MRTFA: variants seen among roughly 807,000 people sequenced by gnomAD.
The protein encoded by MRTFA is myocardin-related transcription factor A.
A neutral mutation model predicts 83.5 loss-of-function variants in MRTFA; 20 were observed. The observed-to-expected ratio is 0.24, with a 90% CI of 0.17 to 0.35. MRTFA has a LOEUF of 0.35. Ranked by LOEUF, MRTFA falls within the 10% of genes least tolerant of loss-of-function variation. The pLI is 1.00. For missense variants in MRTFA, 1,200 were observed against 1,224.7 expected, an observed-to-expected ratio of 0.98 and a Z score of 0.30; for synonymous variants, 659 against 541.2, an observed-to-expected ratio of 1.22 and a Z score of -3.02.
At chr22:40,443,993 C>T (rs900459768) in intron 4 of MRTFA, among the ~76,000 whole-genome samples, 1 of 152,142 alleles carries the variant, frequency 6.6e-6, no homozygotes, top group Non-Finnish European at 1.5e-5. Context: ...ACTCTCGCCC[C>T]GAATGAGAAG....
At chr22:40,612,467 C>G (rs1367959831) in intron 1 of MRTFA, among the ~76,000 whole-genome samples, 2 of 151,864 alleles carry the variant, frequency 1.3e-5, no homozygotes, top group Non-Finnish European at 2.9e-5. Flanking sequence ...AACTGGCTAC[C>G]TCAATCAAAT....
intron 3 of MRTFA, among the ~76,000 whole-genome samples, chr22:40,535,541 T>C (rs57991251): frequency 6.6e-6 from 1 of 151,880 alleles, no homozygotes; most frequent in African/African-American, 2.4e-5. Context: ...TTAGTAAAGA[T>C]GGGGTTTCAC....
intron 3 of MRTFA, among the ~76,000 whole-genome samples, chr22:40,475,061 A>ACT (rs2053970591): frequency 6.6e-6 from 1 of 150,734 alleles, no homozygotes; most frequent in South Asian, 2.1e-4. Flanking sequence ...CTGGTCTAGA[A>ACT]CTCCTGATTT....
At position 40,470,587 on chromosome 22, in the gene MRTFA, G is replaced by T. The variant is rs1014770555; in HGVS notation, c.242-7301C>A. Among the ~76,000 whole-genome samples the T allele has an allele frequency of 3.3e-5, 5 of 151,680 alleles. No homozygotes were observed. In the South Asian group the frequency reaches 1.0e-3, roughly 32 times the overall value. On this transcript the variant is annotated intron_variant, in intron 3 of 14. Transcript: ENST00000355630. ...CAGCTAATTTTAAAAAAGGAAACTA[G>T]GAAAAGAGCAAATTAAACCATGGTA...
intron 2 of MRTFA, among the ~76,000 whole-genome samples, chr22:40,564,836 G>C (rs2055679736): frequency 6.6e-6 from 1 of 151,968 alleles, no homozygotes; most frequent in East Asian, 1.9e-4. Context: ...TATTTTAGTA[G>C]ACACGGGATT....
chr22:40,431,745 A>C (rs2053073026), intron 5 of MRTFA, among the ~76,000 whole-genome samples: 1 of 152,186 alleles, frequency 6.6e-6, no homozygotes, highest in Non-Finnish European at 1.5e-5. Flanking sequence ...CTATTAAAAA[A>C]CTATTACTTC....
At chr22:40,516,422 G>GAAAAAAAAAAAAAAAAAAAA in intron 3 of MRTFA, among the ~76,000 whole-genome samples, 1 of 47,014 alleles carries the variant, frequency 2.1e-5, no homozygotes, top group African/African-American at 7.7e-5. Flanking sequence ...ACTGCCTCAA[G>GAAAAAAAAAAAAAAAAAAAA]AAAAAAAAAA....
intron 1 of MRTFA, among the ~76,000 whole-genome samples, chr22:40,618,590 A>G (rs1315160384): frequency 6.6e-6 from 1 of 152,150 alleles, no homozygotes; most frequent in Non-Finnish European, 1.5e-5. Context: ...GCAGATCTTG[A>G]AACAGACTTT....
intron 2 of MRTFA, among the ~76,000 whole-genome samples, chr22:40,558,322 G>T (rs1406094879): frequency 6.9e-6 from 1 of 144,308 alleles, no homozygotes; most frequent in Non-Finnish European, 1.5e-5. Context: ...GCCCAGGCTG[G>T]TCTCAAACTC....
chr22:40,503,389 T>C (rs1314888168), intron 3 of MRTFA, among the ~76,000 whole-genome samples: 1 of 152,208 alleles, frequency 6.6e-6, no homozygotes, highest in Non-Finnish European at 1.5e-5. Context: ...TTTGTACTTT[T>C]AGTAGAGACA....
chr22:40,629,145 TA>T (rs1328936309), intron 1 of MRTFA, among the ~76,000 whole-genome samples: 6 of 151,694 alleles, frequency 4.0e-5, no homozygotes, highest in Non-Finnish European at 7.4e-5. Flanking sequence ...AAAAATTTTT[TA>T]AATTAGCCAA....
At chr22:40,466,523 C>T (rs1487659814) in intron 3 of MRTFA, among the ~76,000 whole-genome samples, 4 of 151,992 alleles carry the variant, frequency 2.6e-5, no homozygotes, top group African/African-American at 4.8e-5. Flanking sequence ...AAAAGGAGAG[C>T]CAAGCAGGAT....
chr22:40,495,025 A>T (rs1053279594), intron 3 of MRTFA, among the ~76,000 whole-genome samples: 1 of 151,814 alleles, frequency 6.6e-6, no homozygotes, highest in Non-Finnish European at 1.5e-5. Flanking sequence ...ATATAAACTG[A>T]TCTCAACTTT....
At chr22:40,601,819 A>G (rs1431462651) in intron 1 of MRTFA, among the ~76,000 whole-genome samples, 1 of 152,176 alleles carries the variant, frequency 6.6e-6, no homozygotes, top group Non-Finnish European at 1.5e-5. Context: ...TAAATAAATA[A>G]TATAAAGCTT....
At chr22:40,546,974 T>C (rs1308549663) in intron 3 of MRTFA, among the ~76,000 whole-genome samples, 1 of 151,940 alleles carries the variant, frequency 6.6e-6, no homozygotes, top group Admixed American at 6.6e-5. Context: ...GCTAACACGG[T>C]GAAACCCTGT....
intron 5 of MRTFA, among the ~76,000 whole-genome samples, chr22:40,432,178 G>A (rs1011492956): frequency 6.6e-6 from 1 of 152,084 alleles, no homozygotes; most frequent in Non-Finnish European, 1.5e-5. Context: ...CTCGTGAGGT[G>A]GAGGCTGCAG....
intron 3 of MRTFA, among the ~76,000 whole-genome samples, chr22:40,525,053 G>GC (rs1157136443): frequency 6.6e-6 from 1 of 151,896 alleles, no homozygotes; most frequent in Non-Finnish European, 1.5e-5. Context: ...CAAGTGATCC[G>GC]CCCGCCCCAG....
intron 2 of MRTFA, among the ~76,000 whole-genome samples, chr22:40,573,787 T>A (rs1320837835): frequency 1.3e-5 from 2 of 151,824 alleles, no homozygotes; most frequent in African/African-American, 2.4e-5. Flanking sequence ...AATAAATATT[T>A]TCGCTGGGTG....
Position 40,419,024 on chromosome 22 carries a change from G to A in MRTFA, c.1714C>T (p.Pro572Ser), listed in dbSNP as rs749477011. Reference sequence around the variant, plus strand: ...ACCATCTCACCAAAGGTGTCCCCGGGGGTGGAGTTTTCATCGCCCGTGCTG... The same window carrying A: ...ACCATCTCACCAAAGGTGTCCCCGGAGGTGGAGTTTTCATCGCCCGTGCTG... The change falls in exon 12 of 15, where the codon CCC becomes TCC. Residue 572 changes from proline (P) to serine (S), a missense_variant. Around this residue, in one of 2 missense-constraint regions of MRTFA, gnomAD observed 1,107 missense variants for 1,041.8 expected, o/e 1.06. Coordinates refer to ENST00000355630, the MANE Select transcript of MRTFA (RefSeq NM_020831.6). 3 of 1,612,646 alleles carry A rather than the reference G, an allele frequency of 1.9e-6. No individual in the cohort carries two copies. Among genetic ancestry groups the A allele is most frequent in the Non-Finnish European group, 2.5e-6 (3 of 1,179,852 alleles).
Sources: allele counts gnomAD v4.1 joint callset (sites outside exome capture counted in the v4.1 genomes callset), GRCh38; gene constraint gnomAD v4.1.1; regional missense constraint gnomAD v4.1.1; transcripts MANE v1.5; gene names NCBI Gene and HGNC (gene_info 2026-07-23, HGNC 2026-07-21).